GTF2IRD1: variants seen among roughly 807,000 people sequenced by gnomAD.
GTF2IRD1 encodes general transcription factor II-I repeat domain-containing protein 1.
GTF2IRD1 carries 26 observed loss-of-function variants against 113.2 expected under a neutral mutation model. That is an observed-to-expected ratio of 0.23 (90% CI 0.17 to 0.32). GTF2IRD1 has a LOEUF of 0.32. Ranked by LOEUF, GTF2IRD1 falls within the 10% of genes least tolerant of loss-of-function variation. GTF2IRD1 has a pLI of 1.00. For synonymous variants in GTF2IRD1, 484 were observed against 529.1 expected (o/e 0.91, Z 1.17); for missense variants, 864 against 1,280.8 (o/e 0.67, Z 4.97).
chr7:74,542,735 G>A (rs587671491), intron 14 of GTF2IRD1, among the ~76,000 whole-genome samples: 4 of 152,364 alleles, frequency 2.6e-5, no homozygotes, highest in South Asian at 2.1e-4. Context: ...ACAGCATGGC[G>A]TGGCGCCTAA....
intron 1 of GTF2IRD1, among the ~76,000 whole-genome samples, chr7:74,480,892 C>T (rs1387397871): frequency 2.6e-5 from 4 of 152,120 alleles, no homozygotes; most frequent in African/African-American, 9.7e-5. Context: ...CCGTCCTCCA[C>T]GTGGAGGAAG....
At chr7:74,553,274 C>T (rs1481123917) in intron 17 of GTF2IRD1, among the ~76,000 whole-genome samples, 1 of 151,710 alleles carries the variant, frequency 6.6e-6, no homozygotes, top group African/African-American at 2.4e-5. Context: ...GGATTACAGG[C>T]GTGAGCCACC....
In GTF2IRD1 at chr7:74,588,194, G is replaced by A. The variant is rs367737886; in HGVS notation, c.2321-1657G>A. Among the ~76,000 whole-genome samples, 38 of 144,036 alleles carry A rather than the reference G, an allele frequency of 2.6e-4. No individual in the cohort carries two copies. The East Asian group carries it at 4.3e-3, about 16-fold the overall frequency. The allele number at this position is 144,036 out of a possible 152,430, so 94.5% of individuals were successfully genotyped here. Reference sequence around the variant, plus strand: ...GCGATCTCAGCTCACTGCAACCTCCGCCTCCTGGGTTCAAGCAGTTCTCCT... The same window carrying A: ...GCGATCTCAGCTCACTGCAACCTCCACCTCCTGGGTTCAAGCAGTTCTCCT... On this transcript the variant is annotated intron_variant, in intron 22 of 26. Transcript: ENST00000424337.
At chr7:74,523,984 G>C in intron 7 of GTF2IRD1, 87 bp from the exon 8 acceptor site, 1 of 903,286 alleles carries the variant, frequency 1.1e-6, no homozygotes, top group Non-Finnish European at 1.8e-6. Context: ...GGGGCTCTGG[G>C]GGTGAAAGCC....
intron 25 of GTF2IRD1, among the ~76,000 whole-genome samples, chr7:74,600,408 G>A (rs1802680515): frequency 6.6e-6 from 1 of 152,078 alleles, no homozygotes; most frequent in South Asian, 2.1e-4. Context: ...AACAGAGTGA[G>A]ACCCTAAAAA....
At chr7:74,463,399 C>A (rs1276827665) in intron 1 of GTF2IRD1, among the ~76,000 whole-genome samples, 1 of 152,098 alleles carries the variant, frequency 6.6e-6, no homozygotes, top group African/African-American at 2.4e-5. Flanking sequence ...CTACACCCAG[C>A]TAATTTTTTT....
intron 1 of GTF2IRD1, among the ~76,000 whole-genome samples, chr7:74,504,591 C>T (rs1796205018): frequency 1.3e-5 from 2 of 151,914 alleles, no homozygotes; most frequent in Non-Finnish European, 1.5e-5. Flanking sequence ...AGCCTTCTTC[C>T]CCGCTGTGCA....
chr7:74,508,219 C>A lies in GTF2IRD1; in HGVS notation c.123+16C>A. ...AGACTCCATGGTGAGTGTCCCCACC[C>A]ACCCAAGAGGAGGGGACAGGGTGAG... On this transcript the variant is annotated intron_variant, in intron 2 of 26. Transcript: ENST00000424337. 6.2e-7 allele frequency: 1 copy of A among 1,608,456 alleles called. No homozygotes were observed. Among genetic ancestry groups the A allele is most frequent in the South Asian group, 1.1e-5 (1 of 90,728 alleles).
At chr7:74,504,556 G>A (rs1035149911) in intron 1 of GTF2IRD1, among the ~76,000 whole-genome samples, 1 of 151,922 alleles carries the variant, frequency 6.6e-6, no homozygotes, top group African/African-American at 2.4e-5. Context: ...TGACAGCAAG[G>A]ACACCAGCAA....
At position 74,508,001 on chromosome 7, in the gene GTF2IRD1, T is replaced by TGGGGTGGGCAGGTGGATC. The variant is rs1260245035; in HGVS notation, c.-6-63_-6-62insGTGGATCGGGGTGGGCAG. The TGGGGTGGGCAGGTGGATC allele has an allele frequency of 3.2e-5, 48 of 1,504,952 alleles. No individual in the cohort carries two copies. The African/African-American group carries it at 6.3e-4, about 20-fold the overall frequency. The allele number at this position is 1,504,952 out of a possible 1,614,324, so 93.2% of individuals were successfully genotyped here. On this transcript the variant is annotated intron_variant, in intron 1 of 26. Coordinates refer to ENST00000424337, the MANE Select transcript of GTF2IRD1 (RefSeq NM_005685.4). ...TTGGGAGTCCGGGGGTCAGGTGGATTGGGGTGGGCAGCCACCATATGAGAC... is the reference window on the plus strand; with the variant it reads ...TTGGGAGTCCGGGGGTCAGGTGGATTGGGGTGGGCAGGTGGATCGGGGTGGGCAGCCACCATATGAGAC...
intron 19 of GTF2IRD1, 88 bp from the exon 20 acceptor site, chr7:74,557,551 C>T: frequency 1.2e-6 from 1 of 831,274 alleles, no homozygotes. Context: ...GAAGGAGTTC[C>T]CCATAATTAG....
rs75539326 is a variant in GTF2IRD1 at position 74,538,287 on chromosome 7, G to T, written c.1447+114G>T. 24,844 of 1,052,272 alleles carry T rather than the reference G, an allele frequency of 0.024. 3,051 individuals are homozygous for T. In the East Asian group the frequency reaches 0.35, roughly 15 times the overall value. 65.2% of individuals were successfully genotyped at this position (1,052,272 alleles called of 1,614,324 possible). A position where few individuals can be genotyped will look rare whatever the true frequency, so the allele number is the denominator to read the frequency against. ...CAGCCCATGAGCCTGGAGTGCTAAC[G>T]AGCCTCCTCTGCCCACCTGCCTCCA... On this transcript the variant is annotated intron_variant, in intron 12 of 26. Coordinates refer to ENST00000424337, the MANE Select transcript of GTF2IRD1 (RefSeq NM_005685.4).
chr7:74,547,439 CTT>C (rs782144976), intron 17 of GTF2IRD1, among the ~76,000 whole-genome samples, 153 bp downstream of exon 17: 12 of 111,168 alleles, frequency 1.1e-4, no homozygotes, highest in Non-Finnish European at 1.1e-4. Flanking sequence ...CATGCCCAGC[CTT>C]TTTTTTTTTT....
intron 1 of GTF2IRD1, among the ~76,000 whole-genome samples, chr7:74,462,080 A>G (rs1793408180): frequency 6.6e-6 from 1 of 152,126 alleles, no homozygotes. Flanking sequence ...CTCTACAAGA[A>G]GTACAAAAAT....
intron 2 of GTF2IRD1, among the ~76,000 whole-genome samples, chr7:74,511,357 C>G (rs1443021246): frequency 5.3e-5 from 8 of 152,218 alleles, no homozygotes; most frequent in Admixed American, 5.2e-4. Flanking sequence ...CTCTGGGTGC[C>G]TTTAGGTGGG....
At chr7:74,524,875 A>G (rs1162259798) in intron 8 of GTF2IRD1, among the ~76,000 whole-genome samples, 2 of 152,152 alleles carry the variant, frequency 1.3e-5, no homozygotes, top group African/African-American at 4.8e-5. Context: ...AAAAATATAA[A>G]TAAATACAAA....
chr7:74,500,967 GTATT>G (rs1241750829), intron 1 of GTF2IRD1, among the ~76,000 whole-genome samples: 1 of 151,998 alleles, frequency 6.6e-6, no homozygotes, highest in Non-Finnish European at 1.5e-5. Context: ...ATGTATGTAT[GTATT>G]TATTCTCTTT....
intron 22 of GTF2IRD1, among the ~76,000 whole-genome samples, chr7:74,577,423 T>G (rs781797223): frequency 1.3e-5 from 2 of 152,170 alleles, no homozygotes; most frequent in Non-Finnish European, 2.9e-5. Flanking sequence ...CTCTTTCTTT[T>G]TCTCTATTTG....
intron 1 of GTF2IRD1, among the ~76,000 whole-genome samples, chr7:74,459,409 G>C (rs1337459755): frequency 6.6e-6 from 1 of 152,014 alleles, no homozygotes; most frequent in Admixed American, 6.6e-5. Context: ...CGTGAGCTGA[G>C]ATCGTACCAT....
Sources: allele counts gnomAD v4.1 joint callset (sites outside exome capture counted in the v4.1 genomes callset), GRCh38; gene constraint gnomAD v4.1.1; transcripts MANE v1.5; gene names NCBI Gene and HGNC (gene_info 2026-07-23, HGNC 2026-07-21).